Variants in KDM1B observed in about 807,000 individuals in gnomAD.
The protein encoded by KDM1B is lysine demethylase 1B.
A neutral mutation model predicts 107.4 loss-of-function variants in KDM1B; 63 were observed. The observed-to-expected ratio is 0.59, with a 90% CI of 0.48 to 0.72. The LOEUF (loss-of-function observed/expected upper bound fraction) is 0.72. KDM1B is among the 30% of genes least tolerant of loss of function. The pLI is 0.00. For missense variants in KDM1B, 749 were observed against 1,020.8 expected (o/e 0.73, Z 3.63); for synonymous variants, 363 against 363.9 (o/e 1.00, Z 0.03).
chr6:18,195,501 A>C (rs926245085), intron 10 of KDM1B, among the ~76,000 whole-genome samples: 1 of 152,168 alleles, frequency 6.6e-6, no homozygotes, highest in Admixed American at 6.6e-5. Flanking sequence ...TGGGAGGTCG[A>C]GGCGGGTGGA....
At chr6:18,221,573 T>A (rs1789747342) in intron 21 of KDM1B, among the ~76,000 whole-genome samples, 1 of 152,246 alleles carries the variant, frequency 6.6e-6, no homozygotes, top group Non-Finnish European at 1.5e-5. Flanking sequence ...CCATTCATCT[T>A]TTGTACTTGT....
chr6:18,213,520 G>T lies in KDM1B; in HGVS notation c.1984-136G>T. The T allele has an allele frequency of 1.3e-6, 1 of 780,684 alleles. No homozygotes were observed. Among genetic ancestry groups the T allele is most frequent in the Non-Finnish European group, 2.1e-6 (1 of 469,506 alleles). 48.4% of individuals were successfully genotyped at this position (780,684 alleles called of 1,614,324 possible). On this transcript the variant is annotated intron_variant, in intron 18 of 21. Coordinates refer to ENST00000650836, the MANE Select transcript of KDM1B (RefSeq NM_001364614.2). The surrounding 1 kb of genome is among the most constrained non-coding windows in gnomAD (Gnocchi z 5.9). The stretch of plus-strand genomic sequence containing the variant: ...GGGGAAAAAAGGAGGTGAGGAGAAT[G>T]GAAAGAGCGGTATTTGGGGTTGTTC...
Position 18,201,769 on chromosome 6 carries a change from C to T in KDM1B, c.1531+112C>T. 1.1e-6 allele frequency: 1 copy of T among 882,534 alleles called. No individual in the cohort carries two copies. 54.7% of individuals were successfully genotyped at this position (882,534 alleles called of 1,614,324 possible). A position where few individuals can be genotyped will look rare whatever the true frequency, so the allele number is the denominator to read the frequency against. On this transcript the variant is annotated intron_variant, in intron 14 of 21. Coordinates refer to ENST00000650836, the MANE Select transcript of KDM1B (RefSeq NM_001364614.2). The surrounding 1 kb of genome is among the most constrained non-coding windows in gnomAD (Gnocchi z 4.3). ...GTCGGATGTCGGCAACAGGGTAGCC[C>T]TCCTGAGCATTTCTTTTGGACTGAT...
At position 18,191,410 on chromosome 6, in the gene KDM1B, C is replaced by T; in HGVS notation, c.969+29C>T. The stretch of plus-strand genomic sequence containing the variant: ...AGTAAGGGCATGTTAGCCAATAGCA[C>T]TGGACAGAGGAGGACCATGTTGAAA... On this transcript the variant is annotated intron_variant, in intron 10 of 21. Coordinates refer to ENST00000650836, the MANE Select transcript of KDM1B (RefSeq NM_001364614.2). The surrounding 1 kb of genome is among the most constrained non-coding windows in gnomAD (Gnocchi z 5.1). 6.5e-7 allele frequency: 1 copy of T among 1,540,576 alleles called. No homozygotes were observed. The highest frequency in any genetic ancestry group is 8.8e-7 in the Non-Finnish European group (1 of 1,138,568).
intron 7 of KDM1B, among the ~76,000 whole-genome samples, chr6:18,184,106 C>G (rs1284679451): frequency 6.6e-6 from 1 of 151,954 alleles, no homozygotes; most frequent in East Asian, 1.9e-4. Context: ...ACACACCAGC[C>G]CCTTAGAAGC....
At chr6:18,167,188 C>G (rs565220399) in intron 6 of KDM1B, among the ~76,000 whole-genome samples, 1 of 151,896 alleles carries the variant, frequency 6.6e-6, no homozygotes, top group South Asian at 2.1e-4. Flanking sequence ...AACCCCGTCT[C>G]TACTAAAAAA....
In KDM1B at chr6:18,204,399, C is replaced by T. The variant is rs1413944877; in HGVS notation, c.1532-1138C>T. Among the ~76,000 whole-genome samples the T allele has an allele frequency of 2.6e-5, 4 of 152,054 alleles. No individual in the cohort carries two copies. The highest frequency in any genetic ancestry group is 7.2e-5 in the African/African-American group (3 of 41,480). ...CTTGGGAGGCCGATTGCTGGAGCCC[C>T]GGAAGTTGAGGCTGCAGTGAGTCGG... On this transcript the variant is annotated intron_variant, in intron 14 of 21. Coordinates refer to ENST00000650836, the MANE Select transcript of KDM1B (RefSeq NM_001364614.2). This position sits in a 1 kb window ranked among gnomAD's most constrained non-coding sequence, Gnocchi z 4.9.
intron 10 of KDM1B, among the ~76,000 whole-genome samples, chr6:18,195,285 CTAAGGATTGG>C: frequency 6.6e-6 from 1 of 152,026 alleles, no homozygotes; most frequent in Non-Finnish European, 1.5e-5. Flanking sequence ...TTGGTATATA[CTAAGGATTGG>C]AATTACTGGG....
chr6:18,171,289 C>G, intron 6 of KDM1B, 74 bp from the exon 7 acceptor site: 2 of 810,146 alleles, frequency 2.5e-6, no homozygotes, highest in Admixed American at 3.4e-5. Context: ...AGAAGATGAC[C>G]AAGTGGTGGA....
In KDM1B at chr6:18,197,285, T is replaced by C. The variant is rs374797629; in HGVS notation, c.1146+52T>C. On this transcript the variant is annotated intron_variant, in intron 11 of 21. Transcript: ENST00000650836. This position sits in a 1 kb window ranked among gnomAD's most constrained non-coding sequence, Gnocchi z 4.5. ...CCTTGCCATTGATCAGGACAAACGC[T>C]AGTCTGTTGCTGTTAATAAATATAG... The C allele has an allele frequency of 9.4e-6, 14 of 1,489,240 alleles. No homozygotes were observed. Among genetic ancestry groups the C allele is most frequent in the South Asian group, 7.1e-5 (6 of 84,308 alleles). 92.3% of individuals were successfully genotyped at this position (1,489,240 alleles called of 1,614,324 possible).
intron 7 of KDM1B, among the ~76,000 whole-genome samples, chr6:18,185,450 T>A (rs1267767720): frequency 6.6e-6 from 1 of 152,172 alleles, no homozygotes; most frequent in South Asian, 2.1e-4. Context: ...TACAGGCACC[T>A]GCCACTATGC....
At chr6:18,217,932 T>A (rs1789373415) in intron 21 of KDM1B, 47 bp downstream of exon 21, 1 of 1,583,518 alleles carries the variant, frequency 6.3e-7, no homozygotes. Context: ...TTGATTTCTG[T>A]CTTTCATCTA....
chr6:18,157,041 T>G (rs1186412652), intron 2 of KDM1B, among the ~76,000 whole-genome samples: 1 of 152,164 alleles, frequency 6.6e-6, no homozygotes, highest in Non-Finnish European at 1.5e-5. Context: ...TTTATCACAT[T>G]AAAAGAAAAC....
At position 18,211,233 on chromosome 6, in the gene KDM1B, T is replaced by C. The variant is rs1788828363; in HGVS notation, c.1867-1255T>C. On this transcript the variant is annotated intron_variant, in intron 17 of 21. Coordinates refer to ENST00000650836, the MANE Select transcript of KDM1B (RefSeq NM_001364614.2). The surrounding 1 kb of genome is among the most constrained non-coding windows in gnomAD (Gnocchi z 5.2). ...TCTGAACTTCCTGTGATCCTAGAAT[T>C]GAGAGTTAAGCCAAATATACAAAAT... is the stretch of plus-strand genomic sequence containing the variant. Among the ~76,000 whole-genome samples the C allele has an allele frequency of 6.6e-6, 1 of 152,182 alleles. No homozygotes were observed. The highest frequency in any genetic ancestry group is 2.4e-5 in the African/African-American group (1 of 41,450).
rs1006645146 is a variant in KDM1B at position 18,214,337 on chromosome 6, C to T, written c.2109+556C>T. ...GTCTTAAAAGGTTTCACATAGGAGCCGAGGGCAGATTTTCTTTACCATTTG... is the reference window on the plus strand; with the variant it reads ...GTCTTAAAAGGTTTCACATAGGAGCTGAGGGCAGATTTTCTTTACCATTTG... On this transcript the variant is annotated intron_variant, in intron 19 of 21. Coordinates refer to ENST00000650836, the MANE Select transcript of KDM1B (RefSeq NM_001364614.2). This position sits in a 1 kb window ranked among gnomAD's most constrained non-coding sequence, Gnocchi z 4.4. Among the ~76,000 whole-genome samples the T allele has an allele frequency of 6.6e-6, 1 of 152,146 alleles. No homozygotes were observed. The highest frequency in any genetic ancestry group is 2.4e-5 in the African/African-American group (1 of 41,416).
chr6:18,199,008 GAAAAAAAAAAAA>G lies in KDM1B; in HGVS notation c.1221+1361_1221+1372del, dbSNP rs70974711. Among the ~76,000 whole-genome samples, 26 of 74,696 alleles carry G rather than the reference GAAAAAAAAAAAA, an allele frequency of 3.5e-4. 1 individual carries two copies. The South Asian group carries it at 0.01, about 30-fold the overall frequency. The allele number at this position is 74,696 out of a possible 152,430, so 49.0% of individuals were successfully genotyped here. ...ACATGGCAAAACCCTGTCTCTACCA[GAAAAAAAAAAAA>G]AAAAAAAAAAAAAGAAAAAAACAGA... On this transcript the variant is annotated intron_variant, in intron 12 of 21. Transcript: ENST00000650836.
chr6:18,201,803 C>T lies in KDM1B; in HGVS notation c.1531+146C>T. ...ATTTCTTTTGGACTGATGGATTCTC[C>T]AAGTTCTCAGGGGAGGAGAACTTTT... On this transcript the variant is annotated intron_variant, in intron 14 of 21. Coordinates refer to ENST00000650836, the MANE Select transcript of KDM1B (RefSeq NM_001364614.2). The surrounding 1 kb of genome is among the most constrained non-coding windows in gnomAD (Gnocchi z 4.3). 4.4e-6 allele frequency: 3 copies of T among 675,638 alleles called. No individual in the cohort carries two copies. The highest frequency in any genetic ancestry group is 7.3e-6 in the Non-Finnish European group (3 of 413,336). The allele number at this position is 675,638 out of a possible 1,614,324, so 41.9% of individuals were successfully genotyped here. A position where few individuals can be genotyped will look rare whatever the true frequency, so the allele number is the denominator to read the frequency against.
rs1347831658 is a variant in KDM1B at position 18,205,719 on chromosome 6, C to T, written c.1659+55C>T. The T allele has an allele frequency of 4.9e-5, 70 of 1,432,932 alleles. No individual in the cohort carries two copies. In the East Asian group the frequency reaches 1.0e-3, roughly 21 times the overall value. 88.8% of individuals were successfully genotyped at this position (1,432,932 alleles called of 1,614,324 possible). ...TTGAAAATACTTGGTTTAGGCCGGG[C>T]GCAGTGGCTCACGCCTGTAATCCCA... On this transcript the variant is annotated intron_variant, in intron 15 of 21. Coordinates refer to ENST00000650836, the MANE Select transcript of KDM1B (RefSeq NM_001364614.2). The surrounding 1 kb of genome is among the most constrained non-coding windows in gnomAD (Gnocchi z 5.7).
At chr6:18,173,344 G>GA (rs1207541259) in intron 7 of KDM1B, among the ~76,000 whole-genome samples, 2 of 151,984 alleles carry the variant, frequency 1.3e-5, no homozygotes, top group Non-Finnish European at 2.9e-5. Flanking sequence ...TTTCTCTTTG[G>GA]AAAATGTCTG....
Sources: allele counts gnomAD v4.1 joint callset (sites outside exome capture counted in the v4.1 genomes callset), GRCh38; gene constraint gnomAD v4.1.1; non-coding constraint Gnocchi (gnomAD v3.1); transcripts MANE v1.5; gene names NCBI Gene and HGNC (gene_info 2026-07-23, HGNC 2026-07-21).